The following ABCB1 variants were observed in gnomAD, a reference collection of about 807,000 sequenced individuals.
ABCB1 encodes the protein ATP binding cassette subfamily B member 1.
ABCB1 carries 69 observed loss-of-function variants against 142.0 expected under a neutral mutation model. That is an observed-to-expected ratio of 0.49 (90% confidence interval 0.40 to 0.59). The LOEUF is 0.59. Ranked by LOEUF, ABCB1 falls within the 20% of genes least tolerant of loss-of-function variation. ABCB1 has a pLI of 0.00. For missense variants in ABCB1, 1,326 were observed against 1,554.7 expected (o/e 0.85, Z 2.47); for synonymous variants, 532 against 539.2 (o/e 0.99, Z 0.18).
Position 87,516,603 on chromosome 7 carries a change from T to A in ABCB1, c.2990A>T (p.Asp997Val). Residue 997 changes from aspartate to valine, a missense_variant, in exon 24 of 28, where the codon GAC becomes GTC. Asp to Val is a radical substitution (Grantham distance 152). Coordinates refer to ENST00000622132, the MANE Select transcript of ABCB1 (RefSeq NM_001348946.2). ...AVGQVSSFAP[D>V]YAKAKISAAH... ...TGCTGATATTTTGGCTTTGGCATAGTCAGGAGCAAATGAACTGACTTGCCC... is the reference window on the plus strand; with the variant it reads ...TGCTGATATTTTGGCTTTGGCATAGACAGGAGCAAATGAACTGACTTGCCC... 1 of 1,614,188 alleles carries A rather than the reference T, an allele frequency of 6.2e-7. No individual in the cohort carries two copies. The highest frequency in any genetic ancestry group is 8.5e-7 in the Non-Finnish European group (1 of 1,180,038).
At chr7:87,561,112 C>T in intron 8 of ABCB1, 151 bp downstream of exon 8, 1 of 891,120 alleles carries the variant, frequency 1.1e-6, no homozygotes, top group African/African-American at 1.7e-5. Context: ...GCAACTTCTC[C>T]AAAATATTAG....
chr7:87,511,697 C>A (rs766239837), intron 25 of ABCB1, among the ~76,000 whole-genome samples: 7 of 152,210 alleles, frequency 4.6e-5, no homozygotes, highest in Non-Finnish European at 1.0e-4. Flanking sequence ...AAAACCAAGA[C>A]TGGATCTAAA....
At chr7:87,555,932 A>G (rs1268164552) in intron 8 of ABCB1, among the ~76,000 whole-genome samples, 1 of 152,232 alleles carries the variant, frequency 6.6e-6, no homozygotes, top group Non-Finnish European at 1.5e-5. Context: ...CTATGCAGCC[A>G]GAGGAAACAT....
intron 1 of ABCB1, among the ~76,000 whole-genome samples, chr7:87,690,097 C>T (rs774951038): frequency 1.3e-4 from 19 of 151,756 alleles, no homozygotes; most frequent in Non-Finnish European, 2.2e-4. Context: ...CCTAAAGGGC[C>T]GGGAATACAG....
chr7:87,711,410 C>T (rs1367587743), intron 1 of ABCB1, among the ~76,000 whole-genome samples: 2 of 151,846 alleles, frequency 1.3e-5, no homozygotes, highest in African/African-American at 4.8e-5. Flanking sequence ...TTAGAACAAT[C>T]TAAACCATTG....
chr7:87,517,607 T>C (rs992912707), intron 23 of ABCB1, among the ~76,000 whole-genome samples: 1 of 152,204 alleles, frequency 6.6e-6, no homozygotes, highest in Non-Finnish European at 1.5e-5. Flanking sequence ...TAGTGGCTGG[T>C]TGTTACACAG....
chr7:87,608,557 C>G lies in ABCB1; in HGVS notation c.-330-7479G>C, dbSNP rs545870228. On this transcript the variant is annotated intron_variant, in intron 1 of 28. Coordinates refer to the ABCB1 transcript ENST00000265724. ...TCATTCTCTTAATTTATAACCAAACCCTTTGCCCTAAGATATCAGCACTGA... is the reference window on the plus strand; with the variant it reads ...TCATTCTCTTAATTTATAACCAAACGCTTTGCCCTAAGATATCAGCACTGA... 1.9e-4 allele frequency among the ~76,000 whole-genome samples: 29 copies of G among 152,272 alleles called. No individual in the cohort carries two copies. In the South Asian group the frequency reaches 5.8e-3, roughly 30 times the overall value.
intron 1 of ABCB1, among the ~76,000 whole-genome samples, chr7:87,640,597 G>A (rs544493557): frequency 6.6e-6 from 1 of 152,198 alleles, no homozygotes; most frequent in Admixed American, 6.5e-5. Flanking sequence ...CTCCTGCCTG[G>A]GCCTCCAAAA....
intron 5 of ABCB1, among the ~76,000 whole-genome samples, chr7:87,568,242 C>CAATAATAATAATAAT (rs112610351): frequency 8.8e-5 from 12 of 135,920 alleles, no homozygotes; most frequent in African/African-American, 2.5e-4. Flanking sequence ...AAAAATACGA[C>CAATAATAATAATAAT]AATAATAATA....
chr7:87,705,438 AAAC>A (rs1231111568), intron 1 of ABCB1, among the ~76,000 whole-genome samples: 11 of 152,278 alleles, frequency 7.2e-5, no homozygotes, highest in Non-Finnish European at 1.3e-4. Flanking sequence ...AAAACAAACA[AAAC>A]AACAACAACA....
chr7:87,621,005 A>G (rs574351490), intron 1 of ABCB1, among the ~76,000 whole-genome samples: 1 of 152,196 alleles, frequency 6.6e-6, no homozygotes, highest in Admixed American at 6.5e-5. Flanking sequence ...CCACCAAGTG[A>G]AATAAAAAAA....
At chr7:87,538,982 T>C (rs1374239107) in intron 19 of ABCB1, among the ~76,000 whole-genome samples, 1 of 152,154 alleles carries the variant, frequency 6.6e-6, no homozygotes, top group Non-Finnish European at 1.5e-5. Flanking sequence ...CAAAGATGCC[T>C]TCTGCCTGCA....
intron 1 of ABCB1, among the ~76,000 whole-genome samples, chr7:87,606,293 T>G (rs1463756165): frequency 6.6e-6 from 1 of 152,112 alleles, no homozygotes; most frequent in Non-Finnish European, 1.5e-5. Flanking sequence ...AAAATGAGAC[T>G]ATCACATGCT....
At chr7:87,707,629 G>A (rs370769801) in intron 1 of ABCB1, among the ~76,000 whole-genome samples, 7 of 151,882 alleles carry the variant, frequency 4.6e-5, no homozygotes, top group Non-Finnish European at 7.4e-5. Context: ...AGCTTAGATC[G>A]CACCACTGCA....
chr7:87,586,834 G>A (rs1202181), intron 3 of ABCB1, among the ~76,000 whole-genome samples: 106,463 of 152,006 alleles, frequency 0.7, 37,709 homozygotes, highest in East Asian at 0.98. Context: ...AGTCCATAAA[G>A]CAGGAGATAA....
chr7:87,565,395 A>T, intron 7 of ABCB1: 1 of 426,722 alleles, frequency 2.3e-6, no homozygotes, highest in Non-Finnish European at 4.6e-6. Context: ...CTTGAAATGG[A>T]AAATAAGTTT....
At chr7:87,641,791 T>G (rs1304882633) in intron 1 of ABCB1, among the ~76,000 whole-genome samples, 2 of 152,230 alleles carry the variant, frequency 1.3e-5, no homozygotes, top group African/African-American at 4.8e-5. Flanking sequence ...TATTGTCTGT[T>G]ATCTCCAGTG....
In ABCB1 at chr7:87,672,744, A is replaced by C. The variant is rs548143426; in HGVS notation, c.-331+40417T>G. Among the ~76,000 whole-genome samples the C allele has an allele frequency of 3.3e-5, 5 of 152,260 alleles. No homozygotes were observed. The South Asian group carries it at 8.3e-4, about 25-fold the overall frequency. ...CCTGACCCAAGGTTTGCAAAGATTC[A>C]TGGGAGAAGTGTGGTTTCCTGAGGT... On this transcript the variant is annotated intron_variant, in intron 1 of 28. Transcript: ENST00000265724.
At chr7:87,690,537 A>G (rs1380067091) in intron 1 of ABCB1, among the ~76,000 whole-genome samples, 2 of 152,198 alleles carry the variant, frequency 1.3e-5, no homozygotes, top group African/African-American at 2.4e-5. Flanking sequence ...AAGAAAAGTT[A>G]TATATAGTAC....
Sources: allele counts gnomAD v4.1 joint callset (sites outside exome capture counted in the v4.1 genomes callset), GRCh38; gene constraint gnomAD v4.1.1; transcripts MANE v1.5; gene names NCBI Gene and HGNC (gene_info 2026-07-23, HGNC 2026-07-21).